OSBPL2: variants seen among roughly 807,000 people sequenced by gnomAD.
The protein encoded by OSBPL2 is oxysterol binding protein like 2.
Under a neutral mutation model 58.4 loss-of-function variants are expected in OSBPL2, and 18 were observed. The observed-to-expected ratio is 0.31, with a 90% CI of 0.21 to 0.46. The LOEUF is 0.46. Among genes scored for constraint, OSBPL2 ranks in the 20% least tolerant of loss-of-function variants. The probability of loss-of-function intolerance (pLI) is 1.00; values close to 1 mark genes in which losing one functional copy is unlikely to be tolerated. For missense variants in OSBPL2, 461 were observed against 616.5 expected, an observed-to-expected ratio of 0.75 and a Z score of 2.67; for synonymous variants, 221 against 234.1, an observed-to-expected ratio of 0.94 and a Z score of 0.51.
chr20:62,282,058 G>A (rs1317746000), intron 9 of OSBPL2, 179 bp downstream of exon 9: 3 of 456,704 alleles, frequency 6.6e-6, no homozygotes, highest in Non-Finnish European at 1.2e-5. Context: ...TTTTGTTATT[G>A]AGCATAAAAG....
chr20:62,244,854 C>T (rs1168326659), intron 1 of OSBPL2, among the ~76,000 whole-genome samples: 2 of 152,216 alleles, frequency 1.3e-5, no homozygotes, highest in Non-Finnish European at 2.9e-5. Flanking sequence ...GCCTGCCTCT[C>T]AAGGTCACCC....
At chr20:62,283,102 C>T (rs1982894619) in intron 9 of OSBPL2, among the ~76,000 whole-genome samples, 1 of 152,196 alleles carries the variant, frequency 6.6e-6, no homozygotes, top group East Asian at 1.9e-4. Context: ...CCGAGGCCAA[C>T]ACTCGCTGAC....
rs201552246 is a variant in OSBPL2 at position 62,293,866 on chromosome 20, C to T, written c.1422C>T (p.Ser474=). ...GGGATTACTTTGAGCGGAATTTCTC[C>T]GACTGCCCAGATATCTACTGAGGGC... ...YAGDYFERNF[S]DCPDIY Residue 474 remains serine, a synonymous_variant, in exon 14 of 14, where the codon TCC becomes TCT. Transcript: ENST00000313733. 2.0e-5 allele frequency: 32 copies of T among 1,613,838 alleles called. No homozygotes were observed. In the Admixed American group the frequency reaches 2.8e-4, roughly 14 times the overall value.
intron 6 of OSBPL2, among the ~76,000 whole-genome samples, chr20:62,274,135 G>A (rs1012047758): frequency 1.3e-5 from 2 of 152,192 alleles, no homozygotes; most frequent in African/African-American, 4.8e-5. Flanking sequence ...GTTGTTTGTG[G>A]CTGGGCCTCT....
At chr20:62,287,011 C>T (rs1027850849) in intron 11 of OSBPL2, among the ~76,000 whole-genome samples, 5 of 152,234 alleles carry the variant, frequency 3.3e-5, no homozygotes, top group Admixed American at 3.3e-4. Context: ...AGCTGCCCGC[C>T]GGGCACACAT....
At chr20:62,272,065 G>A (rs1049167801) in intron 4 of OSBPL2, 60 bp from the exon 5 acceptor site, 258 of 1,594,260 alleles carry the variant, frequency 1.6e-4, no homozygotes, top group Non-Finnish European at 1.9e-4. Flanking sequence ...CAGGGGCATC[G>A]GGCAGCCCAG....
intron 6 of OSBPL2, among the ~76,000 whole-genome samples, chr20:62,276,449 A>G (rs183075882): frequency 6.6e-6 from 1 of 152,318 alleles, no homozygotes; most frequent in Non-Finnish European, 1.5e-5. Flanking sequence ...CATAAATGTC[A>G]CAGCTTCAAA....
At chr20:62,277,548 G>A (rs2145959351) in intron 6 of OSBPL2, among the ~76,000 whole-genome samples, 1 of 152,364 alleles carries the variant, frequency 6.6e-6, no homozygotes, top group South Asian at 2.1e-4. Context: ...AGTCTGTCAG[G>A]TTAGGGGCCA....
At chr20:62,290,580 C>T (rs556047828) in intron 12 of OSBPL2, among the ~76,000 whole-genome samples, 20 of 151,604 alleles carry the variant, frequency 1.3e-4, no homozygotes, top group Middle Eastern at 3.4e-3. Context: ...CCACCACGCC[C>T]GGTTAATTTT....
chr20:62,273,294 G>T lies in OSBPL2; in HGVS notation c.394-15G>T, dbSNP rs187238677. 12 of 1,603,770 alleles carry T rather than the reference G, an allele frequency of 7.5e-6. No individual in the cohort carries two copies. The highest frequency in any genetic ancestry group is 1.3e-5 in the African/African-American group (1 of 74,438). On this transcript the variant is annotated splice_polypyrimidine_tract_variant and intron_variant, in intron 5 of 13. Transcript: ENST00000313733. ...AACTGAAGCTGTGCCTGTCCCCCCC[G>T]TGGATTATTTACAGTCTGTGGCTGC... is the stretch of plus-strand genomic sequence containing the variant.
At chr20:62,244,698 A>C (rs1438305011) in intron 1 of OSBPL2, among the ~76,000 whole-genome samples, 1 of 152,260 alleles carries the variant, frequency 6.6e-6, no homozygotes, top group East Asian at 1.9e-4. Context: ...CAGTTAAGTC[A>C]GCGACAAGAC....
At chr20:62,244,753 C>T (rs775415355) in intron 1 of OSBPL2, among the ~76,000 whole-genome samples, 120 of 152,334 alleles carry the variant, frequency 7.9e-4, no homozygotes, top group Non-Finnish European at 1.5e-3. Flanking sequence ...GCTCCGCTTC[C>T]GGGACGTCGG....
At chr20:62,247,134 G>GTT (rs1437021706) in intron 1 of OSBPL2, among the ~76,000 whole-genome samples, 1 of 152,226 alleles carries the variant, frequency 6.6e-6, no homozygotes, top group Non-Finnish European at 1.5e-5. Flanking sequence ...GGGCTCACGT[G>GTT]TTAGCCTTGA....
chr20:62,281,539 A>G (rs1028239417), intron 8 of OSBPL2: 3 of 519,758 alleles, frequency 5.8e-6, no homozygotes, highest in African/African-American at 5.7e-5. Flanking sequence ...TTAGTGAGGT[A>G]TAATCGATGC....
At chr20:62,258,134 G>A (rs149413648) in intron 2 of OSBPL2, among the ~76,000 whole-genome samples, 58 of 152,290 alleles carry the variant, frequency 3.8e-4, no homozygotes, top group Non-Finnish European at 6.2e-4. Context: ...GCTGTGGGGC[G>A]TTGCTCCTGC....
intron 1 of OSBPL2, among the ~76,000 whole-genome samples, chr20:62,247,885 G>A (rs540667942): frequency 2.9e-4 from 44 of 151,814 alleles, no homozygotes; most frequent in African/African-American, 9.7e-4. Context: ...GGCTGGTCTC[G>A]AACTCCTGAC....
chr20:62,280,099 C>G, intron 7 of OSBPL2: 5 of 1,304,166 alleles, frequency 3.8e-6, no homozygotes, highest in Non-Finnish European at 5.1e-6. Context: ...TGCTGGCGTC[C>G]TCCTGGGCCA....
In OSBPL2 at chr20:62,288,500, G is replaced by A. The variant is rs979877578; in HGVS notation, c.1126-707G>A. Among the ~76,000 whole-genome samples the A allele has an allele frequency of 1.6e-4, 24 of 148,996 alleles. No homozygotes were observed. Among genetic ancestry groups the A allele is most frequent in the Non-Finnish European group, 3.3e-4 (22 of 67,178 alleles). ...CTGTGGGTGCAGAGGCTGGGAGGCTGTGGGTGCAGAGGCCGGAGGCTGTGG... is the reference window on the plus strand; with the variant it reads ...CTGTGGGTGCAGAGGCTGGGAGGCTATGGGTGCAGAGGCCGGAGGCTGTGG... On this transcript the variant is annotated intron_variant, in intron 11 of 13. Transcript: ENST00000313733. This position sits in a 1 kb window ranked among gnomAD's most constrained non-coding sequence, Gnocchi z 4.8.
chr20:62,291,218 A>ATGTCACTTCTCATGCTT, intron 12 of OSBPL2: 1 of 201,194 alleles, frequency 5.0e-6, no homozygotes, highest in East Asian at 1.4e-4. Flanking sequence ...CTGGGAATGG[A>ATGTCACTTCTCATGCTT]TGTAACTTCT....
Sources: gnomAD v4.1 joint callset for allele counts (sites outside exome capture counted in the v4.1 genomes callset) on GRCh38, gnomAD v4.1.1 for gene constraint, Gnocchi (gnomAD v3.1) non-coding constraint, MANE v1.5 for transcripts, NCBI Gene and HGNC (gene_info 2026-07-23, HGNC 2026-07-21) for gene names.